The following ARL6 variants were observed in gnomAD, a reference collection of about 807,000 sequenced individuals.
ARL6 encodes ADP-ribosylation factor-like protein 6.
In ARL6, 18 loss-of-function variants were observed where a neutral mutation model predicts 27.1. That is an observed-to-expected ratio of 0.66 (90% CI 0.46 to 0.98). The LOEUF is 0.98. ARL6 is among the 50% of genes least tolerant of loss of function. The pLI is 0.00. For missense variants in ARL6, 187 were observed against 214.9 expected (o/e 0.87, Z 0.81); for synonymous variants, 65 against 72.3 (o/e 0.90, Z 0.51).
chr3:97,767,215 T>G (rs1245280079), intron 1 of ARL6, among the ~76,000 whole-genome samples: 1 of 152,128 alleles, frequency 6.6e-6, no homozygotes, highest in Non-Finnish European at 1.5e-5. Flanking sequence ...ACAAAGAAAT[T>G]TTTAAGATAC....
Position 97,787,981 on chromosome 3 carries a change from C to A in ARL6, c.350-9C>A. ...GGAAGTGTGATGATAATCTTATTTT[C>A]TCTTTTAGATATTAAACACCGTCGA... On this transcript the variant is annotated splice_polypyrimidine_tract_variant and intron_variant, in intron 5 of 7. Transcript: ENST00000463745. The A allele has an allele frequency of 1.2e-6, 2 of 1,612,874 alleles. No homozygotes were observed. The highest frequency in any genetic ancestry group is 1.7e-6 in the Non-Finnish European group (2 of 1,179,290).
chr3:97,780,033 A>G, intron 2 of ARL6, 126 bp from the exon 3 acceptor site: 1 of 737,994 alleles, frequency 1.4e-6, no homozygotes, highest in African/African-American at 1.8e-5. Context: ...AAAATTATAT[A>G]ACTTTGTTAA....
chr3:97,781,320 C>A (rs745618698), intron 4 of ARL6, among the ~76,000 whole-genome samples: 3 of 144,754 alleles, frequency 2.1e-5, no homozygotes, highest in African/African-American at 5.3e-5. Context: ...CACTAATTTA[C>A]ACTTGGTCCT....
At chr3:97,792,051 C>A in intron 7 of ARL6, 2 of 524,096 alleles carry the variant, frequency 3.8e-6, no homozygotes, top group African/African-American at 3.8e-5. Flanking sequence ...TCTTTACAGT[C>A]AATATATATG....
At position 97,784,951 on chromosome 3, in the gene ARL6, A is replaced by G; in HGVS notation, c.255-4A>G. 2 of 1,608,276 alleles carry G rather than the reference A, an allele frequency of 1.2e-6. No individual in the cohort carries two copies. Among genetic ancestry groups the G allele is most frequent in the East Asian group, 2.2e-5 (1 of 44,694 alleles). Reference sequence around the variant, plus strand: ...TAATTTTTCTTTTTCTTTACATTACACAGAGAAGGCCAAGCTATTATTTTT... The same window carrying G: ...TAATTTTTCTTTTTCTTTACATTACGCAGAGAAGGCCAAGCTATTATTTTT... On this transcript the variant is annotated splice_polypyrimidine_tract_variant and splice_region_variant and intron_variant, in intron 4 of 7. Coordinates refer to ENST00000463745, the MANE Select transcript of ARL6 (RefSeq NM_001278293.3).
intron 7 of ARL6, among the ~76,000 whole-genome samples, chr3:97,792,700 C>G (rs1420015418): frequency 1.3e-5 from 2 of 151,896 alleles, no homozygotes; most frequent in African/African-American, 4.8e-5. Context: ...TATCATTTAC[C>G]CTAATGGTCT....
Position 97,780,636 on chromosome 3 carries a change from C to T in ARL6, c.207C>T (p.Asp69=), listed in dbSNP as rs1025244924. ...KSSSLSFTVF[D]MSGQGRYRNL... Reference sequence around the variant, plus strand: ...GTAGTTTGTCATTTACAGTGTTTGACATGTCAGGTCAAGGAAGATACAGAA... The same window carrying T: ...GTAGTTTGTCATTTACAGTGTTTGATATGTCAGGTCAAGGAAGATACAGAA... Residue 69 remains aspartate, a synonymous_variant, in exon 4 of 8, where the codon GAC becomes GAT. Coordinates refer to ENST00000463745, the MANE Select transcript of ARL6 (RefSeq NM_001278293.3). 3 of 1,612,968 alleles carry T rather than the reference C, an allele frequency of 1.9e-6. No individual in the cohort carries two copies. The African/African-American group carries it at 4.0e-5, about 22-fold the overall frequency.
intron 2 of ARL6, among the ~76,000 whole-genome samples, chr3:97,769,413 T>C (rs1468878009): frequency 2.0e-5 from 3 of 152,106 alleles, no homozygotes; most frequent in African/African-American, 4.8e-5. Flanking sequence ...CCAGTTTTTA[T>C]ATCATTTTTT....
rs1371635677 is a variant in ARL6 at position 97,799,065 on chromosome 3, G to A, written c.*1016G>A. On this transcript the variant is annotated 3_prime_UTR_variant, in exon 8 of 8. Coordinates refer to ENST00000463745, the MANE Select transcript of ARL6 (RefSeq NM_001278293.3). ...CACAAATTAGAGAACACTTATAATT[G>A]TGAACTCTAAATAGAAACCTTCATT... 1 of 151,970 alleles carries A rather than the reference G, an allele frequency of 6.6e-6. No homozygotes were observed. The highest frequency in any genetic ancestry group is 1.9e-4 in the East Asian group (1 of 5,198). The allele number at this position is 151,970 out of a possible 1,614,324, so 9.4% of individuals were successfully genotyped here. A position where few individuals can be genotyped will look rare whatever the true frequency, so the allele number is the denominator to read the frequency against.
At chr3:97,774,693 G>A (rs147933102) in intron 2 of ARL6, among the ~76,000 whole-genome samples, 121 of 152,232 alleles carry the variant, frequency 7.9e-4, no homozygotes, top group African/African-American at 2.8e-3. Context: ...TGGCGAGGCT[G>A]TGCATGCACC....
In ARL6 at chr3:97,780,620, C is replaced by T; in HGVS notation, c.191C>T (p.Ser64Leu). ...SIEKFKSSSL[S>L]FTVFDMSGQG... ...TGTTTTGCTTCTTTTTGTAGTTTGT[C>T]ATTTACAGTGTTTGACATGTCAGGT... The change falls in exon 4 of 8, where the codon TCA (serine) becomes TTA (leucine). Residue 64 changes from serine to leucine, a missense_variant. Ser to Leu is a moderately radical substitution (Grantham distance 145). Coordinates refer to ENST00000463745, the MANE Select transcript of ARL6 (RefSeq NM_001278293.3). The T allele has an allele frequency of 6.2e-7, 1 of 1,612,478 alleles. No homozygotes were observed. Among genetic ancestry groups the T allele is most frequent in the Non-Finnish European group, 8.5e-7 (1 of 1,178,894 alleles).
chr3:97,780,625 A>G lies in ARL6; in HGVS notation c.196A>G (p.Thr66Ala). The G allele has an allele frequency of 6.2e-7, 1 of 1,612,884 alleles. No homozygotes were observed. Residue 66 changes from threonine to alanine, a missense_variant, in exon 4 of 8, where the codon ACA becomes GCA. Thr to Ala is a moderately conservative substitution (Grantham distance 58). Transcript: ENST00000463745. ...TGCTTCTTTTTGTAGTTTGTCATTTACAGTGTTTGACATGTCAGGTCAAGG... is the reference window on the plus strand; with the variant it reads ...TGCTTCTTTTTGTAGTTTGTCATTTGCAGTGTTTGACATGTCAGGTCAAGG... ...EKFKSSSLSF[T>A]VFDMSGQGRY... is the part of the protein sequence containing the mutation.
At chr3:97,767,143 A>AT (rs956036034) in intron 1 of ARL6, among the ~76,000 whole-genome samples, 21 of 151,660 alleles carry the variant, frequency 1.4e-4, no homozygotes, top group Admixed American at 5.9e-4. Context: ...ATTAGAAAGA[A>AT]TTTTTTTTTC....
chr3:97,769,210 T>G (rs1221069110), intron 2 of ARL6, among the ~76,000 whole-genome samples: 2 of 152,084 alleles, frequency 1.3e-5, no homozygotes, highest in Non-Finnish European at 2.9e-5. Flanking sequence ...TATTAAGCTA[T>G]CTTTATGTTT....
At chr3:97,774,862 A>C (rs953993807) in intron 2 of ARL6, among the ~76,000 whole-genome samples, 1 of 152,180 alleles carries the variant, frequency 6.6e-6, no homozygotes, top group Non-Finnish European at 1.5e-5. Flanking sequence ...CCCTGAGTTC[A>C]TAATTTTCTT....
chr3:97,776,219 C>T (rs1032193055), intron 2 of ARL6, among the ~76,000 whole-genome samples: 8 of 152,142 alleles, frequency 5.3e-5, no homozygotes, highest in Admixed American at 2.0e-4. Context: ...TAGTCTTTGA[C>T]TTGTAATCTG....
chr3:97,767,825 T>A (rs1687711290), intron 1 of ARL6, among the ~76,000 whole-genome samples: 1 of 152,130 alleles, frequency 6.6e-6, no homozygotes, highest in Non-Finnish European at 1.5e-5. Flanking sequence ...TATGATAAAT[T>A]ACAGAGAGAA....
intron 2 of ARL6, among the ~76,000 whole-genome samples, chr3:97,779,292 CTG>C (rs2037062895): frequency 6.6e-6 from 1 of 152,156 alleles, no homozygotes; most frequent in Non-Finnish European, 1.5e-5. Flanking sequence ...TCTGACTGGA[CTG>C]TTCTTTGTCA....
intron 2 of ARL6, among the ~76,000 whole-genome samples, chr3:97,769,307 C>T (rs771318961): frequency 3.3e-5 from 5 of 151,962 alleles, no homozygotes; most frequent in Non-Finnish European, 7.4e-5. Flanking sequence ...TTTCAAGAAT[C>T]TAGTCTTAGC....
Sources: allele counts gnomAD v4.1 joint callset (sites outside exome capture counted in the v4.1 genomes callset), GRCh38; gene constraint gnomAD v4.1.1; transcripts MANE v1.5; gene names NCBI Gene and HGNC (gene_info 2026-07-23, HGNC 2026-07-21).